The following SEMA7A variants were observed in gnomAD, a reference collection of about 807,000 sequenced individuals.
The protein encoded by SEMA7A is semaphorin 7A (JohnMiltonHagen blood group), also known as semaphorin-7A.
Under a neutral mutation model 67.5 loss-of-function variants are expected in SEMA7A, and 21 were observed. The observed-to-expected ratio is 0.31, with a 90% CI of 0.22 to 0.45. The LOEUF is 0.45. Among genes scored for constraint, SEMA7A ranks in the 20% least tolerant of loss-of-function variants. The probability of loss-of-function intolerance (pLI) is 1.00; values close to 1 mark genes in which losing one functional copy is unlikely to be tolerated. For missense variants in SEMA7A, 774 were observed against 908.6 expected, an observed-to-expected ratio of 0.85 and a Z score of 1.90; for synonymous variants, 364 against 368.5, an observed-to-expected ratio of 0.99 and a Z score of 0.14.
chr15:74,431,264 A>C (rs550904557), intron 1 of SEMA7A, among the ~76,000 whole-genome samples: 98 of 152,230 alleles, frequency 6.4e-4, no homozygotes, highest in African/African-American at 2.2e-3. Flanking sequence ...AGGGTCAAAG[A>C]CAAGTGTGGA....
intron 1 of SEMA7A, among the ~76,000 whole-genome samples, chr15:74,433,113 T>C (rs1197703506): frequency 1.3e-5 from 2 of 152,062 alleles, no homozygotes; most frequent in Non-Finnish European, 2.9e-5. Flanking sequence ...GGTCCCGGCA[T>C]TGCTGAGGCA....
intron 1 of SEMA7A, among the ~76,000 whole-genome samples, chr15:74,421,340 G>A (rs2060998495): frequency 6.6e-6 from 1 of 152,208 alleles, no homozygotes; most frequent in Non-Finnish European, 1.5e-5. Context: ...TGAAGGGAGG[G>A]TGAGGGCTGC....
rs537785346 is a variant in SEMA7A at position 74,420,096 on chromosome 15, C to T, written c.179-1144G>A. Reference sequence around the variant, plus strand: ...TGGGGCAGCCAGCTTGGCAGTGACACCCAAGCTCCAGCTCTGACCAAAAAG... The same window carrying T: ...TGGGGCAGCCAGCTTGGCAGTGACATCCAAGCTCCAGCTCTGACCAAAAAG... On this transcript the variant is annotated intron_variant, in intron 1 of 13. Coordinates refer to ENST00000261918, the MANE Select transcript of SEMA7A (RefSeq NM_003612.5). 2.0e-5 allele frequency among the ~76,000 whole-genome samples: 3 copies of T among 152,300 alleles called. No homozygotes were observed. The East Asian group carries it at 5.8e-4, about 29-fold the overall frequency.
intron 2 of SEMA7A, 24 bp downstream of exon 2, chr15:74,418,777 T>C: frequency 6.3e-7 from 1 of 1,594,688 alleles, no homozygotes; most frequent in South Asian, 1.1e-5. Flanking sequence ...GTAGGGGGGG[T>C]GTTGGGGGAA....
intron 1 of SEMA7A, among the ~76,000 whole-genome samples, chr15:74,430,745 ACACAT>A (rs1396769021): frequency 6.6e-6 from 1 of 152,168 alleles, no homozygotes; most frequent in Non-Finnish European, 1.5e-5. Context: ...AAGGTGATGA[ACACAT>A]CTAAGTCCCC....
intron 1 of SEMA7A, among the ~76,000 whole-genome samples, chr15:74,421,903 C>T (rs1434991191): frequency 6.6e-6 from 1 of 152,194 alleles, no homozygotes; most frequent in Admixed American, 6.5e-5. Flanking sequence ...GAGTATGTAT[C>T]ATATCCCTGA....
intron 3 of SEMA7A, 117 bp downstream of exon 3, chr15:74,418,149 CGT>C: frequency 8.4e-7 from 1 of 1,194,622 alleles, no homozygotes; most frequent in Non-Finnish European, 1.2e-6. Context: ...CAGAGGACCA[CGT>C]CTCCCCATCA....
chr15:74,421,526 C>T (rs1332834296), intron 1 of SEMA7A, among the ~76,000 whole-genome samples: 1 of 152,178 alleles, frequency 6.6e-6, no homozygotes, highest in Non-Finnish European at 1.5e-5. Flanking sequence ...CCTCCCATGA[C>T]CCCCAGGTTC....
chr15:74,426,952 C>A (rs778648358), intron 1 of SEMA7A, among the ~76,000 whole-genome samples: 24 of 152,154 alleles, frequency 1.6e-4, no homozygotes, highest in Admixed American at 3.9e-4. Context: ...CAGGGCAGGG[C>A]AGTCAAGGCC....
intron 3 of SEMA7A, 122 bp downstream of exon 3, chr15:74,418,146 C>A (rs1205799052): frequency 3.4e-6 from 4 of 1,178,716 alleles, no homozygotes; most frequent in Non-Finnish European, 3.8e-6. Flanking sequence ...GCACAGAGGA[C>A]CACGTCTCCC....
chr15:74,430,351 T>C (rs1022460405), intron 1 of SEMA7A, among the ~76,000 whole-genome samples: 2 of 151,992 alleles, frequency 1.3e-5, no homozygotes, highest in Non-Finnish European at 2.9e-5. Context: ...GCCCCTCCCA[T>C]CCCAGAGAGA....
chr15:74,420,366 TCA>T (rs1339081296), intron 1 of SEMA7A, among the ~76,000 whole-genome samples: 2 of 152,076 alleles, frequency 1.3e-5, no homozygotes, highest in Non-Finnish European at 2.9e-5. Context: ...CATGCCAAGG[TCA>T]CACCAGCAGG....
chr15:74,420,089 A>C (rs145603156), intron 1 of SEMA7A, among the ~76,000 whole-genome samples: 117 of 152,308 alleles, frequency 7.7e-4, no homozygotes, highest in Non-Finnish European at 2.5e-4. Flanking sequence ...CCAGCTTGGC[A>C]GTGACACCCA....
At chr15:74,433,213 C>CGGGGTG (rs1555430910) in intron 1 of SEMA7A, among the ~76,000 whole-genome samples, 3 of 150,688 alleles carry the variant, frequency 2.0e-5, no homozygotes, top group Admixed American at 2.0e-4. Flanking sequence ...AGCTCCGGGC[C>CGGGGTG]GGGGCGGGGG....
At chr15:74,426,070 C>T (rs776357926) in intron 1 of SEMA7A, among the ~76,000 whole-genome samples, 2 of 152,088 alleles carry the variant, frequency 1.3e-5, no homozygotes, top group Non-Finnish European at 1.5e-5. Flanking sequence ...GTCAGGAGTT[C>T]GAGACTAGCC....
At position 74,411,093 on chromosome 15, in the gene SEMA7A, T is replaced by C. The variant is rs1476562911; in HGVS notation, c.1640-108A>G. ...CCAGGACAAGGCTTCTGAATGAACGTGGGGAACCCAGCCCTCAGCGTCCTC... is the reference window on the plus strand; with the variant it reads ...CCAGGACAAGGCTTCTGAATGAACGCGGGGAACCCAGCCCTCAGCGTCCTC... On this transcript the variant is annotated intron_variant, in intron 13 of 13. Coordinates refer to ENST00000261918, the MANE Select transcript of SEMA7A (RefSeq NM_003612.5). This position sits in a 1 kb window ranked among gnomAD's most constrained non-coding sequence, Gnocchi z 4.4. 3 of 1,487,828 alleles carry C rather than the reference T, an allele frequency of 2.0e-6. No homozygotes were observed. Among genetic ancestry groups the C allele is most frequent in the Non-Finnish European group, 2.7e-6 (3 of 1,112,236 alleles). 92.2% of individuals were successfully genotyped at this position (1,487,828 alleles called of 1,614,324 possible). A position where few individuals can be genotyped will look rare whatever the true frequency, so the allele number is the denominator to read the frequency against.
intron 1 of SEMA7A, among the ~76,000 whole-genome samples, chr15:74,425,080 G>C (rs1260604219): frequency 1.3e-5 from 2 of 152,166 alleles, no homozygotes; most frequent in Admixed American, 6.5e-5. Context: ...GACTGAGCAA[G>C]GGCAGCCAGC....
chr15:74,410,638 A>G lies in SEMA7A; in HGVS notation c.1987T>C (p.Leu663=). 6.3e-7 allele frequency: 1 copy of G among 1,593,420 alleles called. No individual in the cohort carries two copies. The highest frequency in any genetic ancestry group is 2.2e-5 in the East Asian group (1 of 44,548). The part of the protein sequence containing the change: ...LGVLPTLTLG[L]LVH ...CTCGGGAGGCCCTAGTGGACCAGCA[A>G]GCCAAGAGTGAGTGTGGGCAGCACC... Residue 663 remains leucine, a synonymous_variant, in exon 14 of 14, where the codon TTG becomes CTG. Transcript: ENST00000261918. The surrounding 1 kb of genome is among the most constrained non-coding windows in gnomAD (Gnocchi z 7.5).
At chr15:74,424,290 TG>T (rs2061025224) in intron 1 of SEMA7A, among the ~76,000 whole-genome samples, 1 of 152,106 alleles carries the variant, frequency 6.6e-6, no homozygotes, top group Non-Finnish European at 1.5e-5. Flanking sequence ...GGTACTTGTT[TG>T]GGCCTGGGTT....
Sources: gnomAD v4.1 joint callset for allele counts (sites outside exome capture counted in the v4.1 genomes callset) on GRCh38, gnomAD v4.1.1 for gene constraint, Gnocchi (gnomAD v3.1) non-coding constraint, MANE v1.5 for transcripts, NCBI Gene and HGNC (gene_info 2026-07-23, HGNC 2026-07-21) for gene names.